PDGFC: variants seen among roughly 807,000 people sequenced by gnomAD.
The protein encoded by PDGFC is platelet derived growth factor C.
Under a neutral mutation model 35.5 loss-of-function variants are expected in PDGFC, and 12 were observed. That is an observed-to-expected ratio of 0.34 (90% CI 0.22 to 0.55). PDGFC has a LOEUF of 0.55. Among genes scored for constraint, PDGFC ranks in the 20% least tolerant of loss-of-function variants. The pLI, the probability that PDGFC is intolerant of heterozygous loss-of-function variation, is 0.91. For synonymous variants in PDGFC, 159 were observed against 148.8 expected (o/e 1.07, Z -0.50); for missense variants, 322 against 412.4 (o/e 0.78, Z 1.90).
intron 1 of PDGFC, among the ~76,000 whole-genome samples, chr4:156,894,715 T>C (rs1730589467): frequency 6.6e-6 from 1 of 152,080 alleles, no homozygotes; most frequent in Non-Finnish European, 1.5e-5. Context: ...CATAGGAAAT[T>C]GAAAGAACTC....
intron 1 of PDGFC, among the ~76,000 whole-genome samples, chr4:156,857,527 C>T (rs1729611336): frequency 6.6e-6 from 1 of 152,054 alleles, no homozygotes; most frequent in African/African-American, 2.4e-5. Flanking sequence ...AGGAACTCAA[C>T]CACCAGCCTC....
intron 3 of PDGFC, among the ~76,000 whole-genome samples, chr4:156,785,075 A>G (rs921063612): frequency 1.3e-5 from 2 of 152,236 alleles, no homozygotes; most frequent in Non-Finnish European, 2.9e-5. Flanking sequence ...AACAATGTAG[A>G]AACTTTGATC....
rs1233951716 is a variant in PDGFC at position 156,761,800 on chromosome 4, A to G, written c.*1290T>C. 1 of 152,676 alleles carries G rather than the reference A, an allele frequency of 6.5e-6. No individual in the cohort carries two copies. Among genetic ancestry groups the G allele is most frequent in the Non-Finnish European group, 1.5e-5 (1 of 68,042 alleles). 9.5% of individuals were successfully genotyped at this position (152,676 alleles called of 1,614,324 possible). A position where few individuals can be genotyped will look rare whatever the true frequency, so the allele number is the denominator to read the frequency against. On this transcript the variant is annotated 3_prime_UTR_variant, in exon 6 of 6. Transcript: ENST00000502773. ...GAGACATACTTCTGTACATAAAAATATCCATGTATTTATACAAGTGTATGG... is the reference window on the plus strand; with the variant it reads ...GAGACATACTTCTGTACATAAAAATGTCCATGTATTTATACAAGTGTATGG...
At chr4:156,824,335 CACACACACACACACATAT>C (rs369227267) in intron 2 of PDGFC, among the ~76,000 whole-genome samples, 2 of 93,238 alleles carry the variant, frequency 2.1e-5, no homozygotes, top group African/African-American at 6.0e-5. Flanking sequence ...TATACACACA[CACACACACACACACATAT>C]ACACACATAT....
chr4:156,921,529 TAGAA>T (rs149273456), intron 1 of PDGFC, among the ~76,000 whole-genome samples: 2,009 of 151,818 alleles, frequency 0.013, 48 homozygotes, highest in African/African-American at 0.045. Context: ...AAAAGAAAAT[TAGAA>T]AGAGAAGAGA....
In PDGFC at chr4:156,763,011, G is replaced by C. The variant is rs1730418167; in HGVS notation, c.*79C>G. On this transcript the variant is annotated 3_prime_UTR_variant, in exon 6 of 6. Transcript: ENST00000502773. ...AAGCAAACAACTGAGATTAAGGATG[G>C]AGATAACGCATACGTTCTCTAATAG... is the stretch of plus-strand genomic sequence containing the variant. 1.3e-6 allele frequency: 1 copy of C among 751,262 alleles called. No homozygotes were observed. Among genetic ancestry groups the C allele is most frequent in the African/African-American group, 1.7e-5 (1 of 58,828 alleles). 46.5% of individuals were successfully genotyped at this position (751,262 alleles called of 1,614,324 possible). A position where few individuals can be genotyped will look rare whatever the true frequency, so the allele number is the denominator to read the frequency against.
At chr4:156,940,897 C>T (rs1363153750) in intron 1 of PDGFC, among the ~76,000 whole-genome samples, 2 of 152,068 alleles carry the variant, frequency 1.3e-5, no homozygotes, top group African/African-American at 4.8e-5. Context: ...ATTGTTTTTA[C>T]TTTGGAAAAT....
intron 3 of PDGFC, among the ~76,000 whole-genome samples, chr4:156,774,063 A>C (rs1483839071): frequency 6.6e-6 from 1 of 152,166 alleles, no homozygotes; most frequent in Non-Finnish European, 1.5e-5. Context: ...ATCCTGGGTT[A>C]ATCTACTAAA....
rs747281896 is a variant in PDGFC, at chr4:156,767,926, T to C, written c.768A>G (p.Ser256=). The change falls in exon 5 of 6, where the codon TCA becomes TCG. Residue 256 remains serine (S), a synonymous_variant. Transcript: ENST00000502773. ...TCTTTAGTTCTTCCCTTATGGACAC[T>C]GAGAAGTTACGAGGTGTGCAGCTGT... ...RLYSCTPRNF[S]VSIREELKRT... is the part of the protein sequence containing the mutation. The C allele has an allele frequency of 6.2e-7, 1 of 1,612,844 alleles. No individual in the cohort carries two copies. Among genetic ancestry groups the C allele is most frequent in the Non-Finnish European group, 8.5e-7 (1 of 1,178,894 alleles).
intron 3 of PDGFC, among the ~76,000 whole-genome samples, chr4:156,806,144 T>C (rs938123880): frequency 6.6e-5 from 10 of 152,256 alleles, no homozygotes; most frequent in Middle Eastern, 6.8e-3. Flanking sequence ...TACATAGTTT[T>C]TTAAAATGTA....
chr4:156,769,538 ACACCTTATT>A (rs1408851880), intron 4 of PDGFC, among the ~76,000 whole-genome samples: 4 of 152,020 alleles, frequency 2.6e-5, no homozygotes, highest in Non-Finnish European at 4.4e-5. Flanking sequence ...GTCCATTTCA[ACACCTTATT>A]CAGCTAAAAA....
chr4:156,824,309 TATATATATATATATATATACACAC>T lies in PDGFC; in HGVS notation c.315-13316_315-13293del, dbSNP rs1560827414. Among the ~76,000 whole-genome samples the T allele has an allele frequency of 9.4e-4, 40 of 42,404 alleles. 2 individuals carry two copies. Among genetic ancestry groups the T allele is most frequent in the African/African-American group, 3.4e-3 (39 of 11,592 alleles). 27.8% of individuals were successfully genotyped at this position (42,404 alleles called of 152,430 possible). On this transcript the variant is annotated intron_variant, in intron 2 of 5. Transcript: ENST00000502773. ...GCATATATATATATATATATATATATATATATATATATATATATACACACACACACACACACACACATATACACA... is the reference window on the plus strand; with the variant it reads ...GCATATATATATATATATATATATATACACACACACACACACATATACACA...
At chr4:156,898,500 T>C in intron 1 of PDGFC, among the ~76,000 whole-genome samples, 1 of 152,304 alleles carries the variant, frequency 6.6e-6, no homozygotes, top group African/African-American at 2.4e-5. Context: ...CCCAGCCCTC[T>C]CACTTTCACT....
intron 1 of PDGFC, among the ~76,000 whole-genome samples, chr4:156,938,877 T>C (rs1401426116): frequency 4.0e-5 from 6 of 151,742 alleles, no homozygotes; most frequent in Admixed American, 2.6e-4. Context: ...TATTTTATAT[T>C]GTTCAATCCT....
chr4:156,954,839 A>C (rs942050205), intron 1 of PDGFC, among the ~76,000 whole-genome samples: 1 of 152,008 alleles, frequency 6.6e-6, no homozygotes, highest in African/African-American at 2.4e-5. Context: ...CCCATCAATG[A>C]TGATTTATGA....
chr4:156,838,578 G>A (rs1026990910), intron 2 of PDGFC, among the ~76,000 whole-genome samples: 1 of 152,148 alleles, frequency 6.6e-6, no homozygotes, highest in Non-Finnish European at 1.5e-5. Context: ...TATACAGGCA[G>A]AGAAAAATCA....
intron 1 of PDGFC, among the ~76,000 whole-genome samples, chr4:156,922,936 C>G (rs1371238550): frequency 1.3e-5 from 2 of 152,178 alleles, no homozygotes; most frequent in Non-Finnish European, 2.9e-5. Flanking sequence ...TACAAGTTAT[C>G]ACCTTCTCTT....
intron 4 of PDGFC, chr4:156,770,601 T>C (rs1431391450): frequency 6.6e-6 from 1 of 152,078 alleles, no homozygotes; most frequent in Non-Finnish European, 1.5e-5. Flanking sequence ...CAAATATTTG[T>C]AAAAGTTGGT....
At chr4:156,874,917 C>T (rs1009722552) in intron 1 of PDGFC, among the ~76,000 whole-genome samples, 1 of 151,802 alleles carries the variant, frequency 6.6e-6, no homozygotes, top group Non-Finnish European at 1.5e-5. Flanking sequence ...GGGTTTTTGC[C>T]ATGGTGTCCA....
Sources: gnomAD v4.1 joint callset for allele counts (sites outside exome capture counted in the v4.1 genomes callset) on GRCh38, gnomAD v4.1.1 for gene constraint, MANE v1.5 for transcripts, NCBI Gene and HGNC (gene_info 2026-07-23, HGNC 2026-07-21) for gene names.